The following B3GALT1 variants were observed in gnomAD, a reference collection of about 807,000 sequenced individuals.
B3GALT1 encodes beta-1,3-galactosyltransferase 1, also known as UDP-Gal:betaGlcNAc beta 1,3-galactosyltransferase, polypeptide 1.
A neutral mutation model predicts 23.2 loss-of-function variants in B3GALT1; 10 were observed. The ratio of observed to expected loss-of-function variants is 0.43; its 90% confidence interval spans 0.27 to 0.73. The LOEUF is 0.73. Ranked by LOEUF, B3GALT1 falls within the 30% of genes least tolerant of loss-of-function variation. B3GALT1 has a pLI of 0.21. For synonymous variants in B3GALT1, 156 were observed against 141.5 expected (o/e 1.10, Z -0.73); for missense variants, 299 against 405.4 (o/e 0.74, Z 2.25).
At chr2:167,380,061 G>A (rs1179642318) in intron 1 of B3GALT1, among the ~76,000 whole-genome samples, 2 of 152,168 alleles carry the variant, frequency 1.3e-5, no homozygotes, top group Non-Finnish European at 2.9e-5. Flanking sequence ...GGGTCACACT[G>A]CAGCATGATC....
At chr2:167,541,874 T>C (rs1683538628) in intron 2 of B3GALT1, among the ~76,000 whole-genome samples, 1 of 152,070 alleles carries the variant, frequency 6.6e-6, no homozygotes, top group Non-Finnish European at 1.5e-5. Flanking sequence ...ATCATCTAGT[T>C]GAAACAGTTC....
intron 3 of B3GALT1, among the ~76,000 whole-genome samples, chr2:167,668,014 G>T (rs1170300405): frequency 1.3e-5 from 2 of 152,216 alleles, no homozygotes; most frequent in Non-Finnish European, 2.9e-5. Flanking sequence ...TTTGGAGGAG[G>T]AGAGGCGCTC....
chr2:167,641,360 A>G (rs1382117755), intron 2 of B3GALT1, among the ~76,000 whole-genome samples: 1 of 152,132 alleles, frequency 6.6e-6, no homozygotes, highest in Non-Finnish European at 1.5e-5. Flanking sequence ...GTTGAAGGCC[A>G]TCAACGTTAT....
intron 3 of B3GALT1, chr2:167,815,140 TCTC>T (rs1284919657): frequency 1.3e-5 from 2 of 152,240 alleles, no homozygotes; most frequent in Non-Finnish European, 2.9e-5. Flanking sequence ...CCTTCTTCTT[TCTC>T]CTCTCACATT....
At chr2:167,685,664 G>A (rs2029083) in intron 3 of B3GALT1, among the ~76,000 whole-genome samples, 24,673 of 152,162 alleles carry the variant, frequency 0.16, 2,511 homozygotes, top group Non-Finnish European at 0.24. Context: ...ATGAGTCAGA[G>A]AGAGAGCAGG....
At chr2:167,722,018 T>C (rs1687244084) in intron 3 of B3GALT1, among the ~76,000 whole-genome samples, 1 of 152,232 alleles carries the variant, frequency 6.6e-6, no homozygotes, top group African/African-American at 2.4e-5. Flanking sequence ...TTCTTCAAAT[T>C]ATCACCCTTG....
intron 1 of B3GALT1, among the ~76,000 whole-genome samples, chr2:167,334,094 C>A (rs1697018043): frequency 6.6e-6 from 1 of 152,038 alleles, no homozygotes; most frequent in South Asian, 2.1e-4. Flanking sequence ...CAATTTAGAA[C>A]ATGATCCTAT....
chr2:167,620,708 C>T lies in B3GALT1; in HGVS notation c.-409-26201C>T, dbSNP rs530787658. Among the ~76,000 whole-genome samples the T allele has an allele frequency of 2.3e-5, 3 of 129,456 alleles. No individual in the cohort carries two copies. The East Asian group carries it at 6.8e-4, about 29-fold the overall frequency. 84.9% of individuals were successfully genotyped at this position (129,456 alleles called of 152,430 possible). On this transcript the variant is annotated intron_variant, in intron 2 of 4. Transcript: ENST00000392690. Reference sequence around the variant, plus strand: ...AACAAGGTAATGCCCTGTCTTCCTGCTTCAGCTCTCATACTGTAAACAATG... The same window carrying T: ...AACAAGGTAATGCCCTGTCTTCCTGTTTCAGCTCTCATACTGTAAACAATG...
intron 1 of B3GALT1, among the ~76,000 whole-genome samples, chr2:167,440,072 A>G (rs1210526487): frequency 1.3e-5 from 2 of 152,026 alleles, no homozygotes; most frequent in South Asian, 2.1e-4. Flanking sequence ...GGCTGGGGGC[A>G]GTGGCTCACA....
intron 2 of B3GALT1, among the ~76,000 whole-genome samples, chr2:167,559,623 G>T (rs1574136759): frequency 6.6e-6 from 1 of 152,230 alleles, no homozygotes; most frequent in Non-Finnish European, 1.5e-5. Context: ...AGCTGATGGA[G>T]CTGAAAGCCA....
intron 3 of B3GALT1, among the ~76,000 whole-genome samples, chr2:167,774,485 G>GTTTTT (rs767692581): frequency 9.5e-6 from 1 of 105,212 alleles, no homozygotes; most frequent in Non-Finnish European, 2.0e-5. Context: ...TTTTTTTTTT[G>GTTTTT]TTTTTTTTTT....
intron 4 of B3GALT1, among the ~76,000 whole-genome samples, chr2:167,845,352 A>G (rs553984412): frequency 7.2e-5 from 11 of 152,060 alleles, no homozygotes; most frequent in African/African-American, 1.9e-4. Context: ...GCACCCCCCA[A>G]CCACCTCCAC....
At chr2:167,819,145 C>T (rs930316487) in intron 4 of B3GALT1, among the ~76,000 whole-genome samples, 5 of 152,072 alleles carry the variant, frequency 3.3e-5, no homozygotes, top group African/African-American at 1.2e-4. Context: ...GTCTATGAAA[C>T]ATTTTAGTGG....
intron 1 of B3GALT1, among the ~76,000 whole-genome samples, chr2:167,439,957 A>G (rs1186880903): frequency 1.3e-5 from 2 of 152,122 alleles, no homozygotes; most frequent in Non-Finnish European, 2.9e-5. Flanking sequence ...GGAGTTAAAT[A>G]CATTTTCCTG....
chr2:167,491,942 G>A (rs1287418167), intron 2 of B3GALT1, among the ~76,000 whole-genome samples: 1 of 152,080 alleles, frequency 6.6e-6, no homozygotes, highest in African/African-American at 2.4e-5. Flanking sequence ...TATTAACATG[G>A]TACATTTGTT....
chr2:167,696,555 AT>A (rs1316026886), intron 3 of B3GALT1, among the ~76,000 whole-genome samples: 1 of 152,118 alleles, frequency 6.6e-6, no homozygotes, highest in Non-Finnish European at 1.5e-5. Flanking sequence ...CTAGTTTCCT[AT>A]GTAGTGTTAC....
chr2:167,588,280 G>T (rs188962205), intron 2 of B3GALT1, among the ~76,000 whole-genome samples: 1 of 152,194 alleles, frequency 6.6e-6, no homozygotes, highest in African/African-American at 2.4e-5. Flanking sequence ...TAACATTGTG[G>T]TATATATTTC....
intron 2 of B3GALT1, among the ~76,000 whole-genome samples, chr2:167,529,323 G>A (rs975222411): frequency 1.6e-4 from 24 of 151,900 alleles, no homozygotes; most frequent in Middle Eastern, 3.4e-3. Context: ...CTTGCTAGGC[G>A]ATTTTCTTAT....
chr2:167,434,578 A>G (rs1698750155), intron 1 of B3GALT1, among the ~76,000 whole-genome samples: 1 of 151,684 alleles, frequency 6.6e-6, no homozygotes, highest in Non-Finnish European at 1.5e-5. Context: ...CGTAAAATAC[A>G]CTTCTGTGTA....
Sources: allele counts gnomAD v4.1 joint callset (sites outside exome capture counted in the v4.1 genomes callset), GRCh38; gene constraint gnomAD v4.1.1; transcripts MANE v1.5; gene names NCBI Gene and HGNC (gene_info 2026-07-23, HGNC 2026-07-21).